CADPS: variants seen among roughly 807,000 people sequenced by gnomAD.
CADPS encodes the protein calcium-dependent secretion activator 1.
CADPS carries 57 observed loss-of-function variants against 167.3 expected under a neutral mutation model. That is an observed-to-expected ratio of 0.34 (90% CI 0.28 to 0.42). The LOEUF (loss-of-function observed/expected upper bound fraction) is 0.42. Ranked by LOEUF, CADPS falls within the 20% of genes least tolerant of loss-of-function variation. The probability of loss-of-function intolerance (pLI) is 1.00; values close to 1 mark genes in which losing one functional copy is unlikely to be tolerated. For synonymous variants in CADPS, 676 were observed against 635.3 expected (o/e 1.06, Z -0.96); for missense variants, 1,414 against 1,738.1 (o/e 0.81, Z 3.32).
chr3:62,804,822 A>G (rs1202357425), intron 1 of CADPS, among the ~76,000 whole-genome samples: 2 of 152,162 alleles, frequency 1.3e-5, no homozygotes, highest in African/African-American at 2.4e-5. Context: ...TGAAAAGACA[A>G]AATCACATAG....
chr3:62,524,362 C>A (rs961626756), intron 13 of CADPS, among the ~76,000 whole-genome samples: 2 of 152,194 alleles, frequency 1.3e-5, no homozygotes, highest in Non-Finnish European at 2.9e-5. Flanking sequence ...CTCACCCCTT[C>A]CTCTCCTTTC....
chr3:62,519,979 C>T (rs2070054882), intron 13 of CADPS, among the ~76,000 whole-genome samples: 1 of 152,096 alleles, frequency 6.6e-6, no homozygotes, highest in African/African-American at 2.4e-5. Context: ...GAACTGAACA[C>T]ACATTTGTTT....
At chr3:62,818,088 C>A (rs2094713281) in intron 1 of CADPS, among the ~76,000 whole-genome samples, 1 of 152,088 alleles carries the variant, frequency 6.6e-6, no homozygotes, top group Admixed American at 6.6e-5. Context: ...GAGACAGAAA[C>A]CACCTACTGA....
chr3:62,513,699 CT>C, intron 16 of CADPS: 2 of 1,584,424 alleles, frequency 1.3e-6, no homozygotes, highest in Non-Finnish European at 1.7e-6. Context: ...ACATTTCTCT[CT>C]TTTTCCCTAT....
At chr3:62,667,374 T>C (rs1016094048) in intron 3 of CADPS, among the ~76,000 whole-genome samples, 1 of 152,046 alleles carries the variant, frequency 6.6e-6, no homozygotes, top group African/African-American at 2.4e-5. Context: ...GGAACCTGTG[T>C]TCTGATCCTT....
intron 27 of CADPS, among the ~76,000 whole-genome samples, chr3:62,441,734 C>A (rs140619765): frequency 1.3e-5 from 2 of 152,180 alleles, no homozygotes; most frequent in African/African-American, 2.4e-5. Flanking sequence ...GGTTCTTAAG[C>A]CTGGCTGCAA....
chr3:62,637,561 G>T (rs989478350), intron 6 of CADPS, among the ~76,000 whole-genome samples: 1 of 152,172 alleles, frequency 6.6e-6, no homozygotes, highest in Admixed American at 6.5e-5. Flanking sequence ...TGGTGTGTGC[G>T]CCAGCACGTT....
At chr3:62,557,271 A>C (rs2078327400) in intron 10 of CADPS, 134 bp downstream of exon 10, 1 of 683,446 alleles carries the variant, frequency 1.5e-6, no homozygotes, top group South Asian at 1.7e-5. Context: ...TGTGACTGTC[A>C]TGCACACAGC....
chr3:62,745,687 G>C (rs2081302100), intron 3 of CADPS, among the ~76,000 whole-genome samples: 1 of 152,190 alleles, frequency 6.6e-6, no homozygotes. Flanking sequence ...TGACACTGCT[G>C]CACTTTGTTG....
At chr3:62,565,415 G>A (rs1036634256) in intron 9 of CADPS, among the ~76,000 whole-genome samples, 2 of 152,086 alleles carry the variant, frequency 1.3e-5, no homozygotes, top group Admixed American at 6.6e-5. Context: ...CACTTTAAGC[G>A]GGATAATGAC....
chr3:62,546,921 T>C (rs1390303677), intron 11 of CADPS, among the ~76,000 whole-genome samples: 2 of 152,138 alleles, frequency 1.3e-5, no homozygotes, highest in African/African-American at 4.8e-5. Context: ...TTCCCTCATA[T>C]CTAGACACTT....
chr3:62,473,351 G>C (rs1370115890), intron 24 of CADPS, among the ~76,000 whole-genome samples: 1 of 152,140 alleles, frequency 6.6e-6, no homozygotes, highest in African/African-American at 2.4e-5. Flanking sequence ...AATAAATAAC[G>C]AATAAGGAGC....
chr3:62,842,156 C>T (rs1327397948), intron 1 of CADPS, among the ~76,000 whole-genome samples: 1 of 152,186 alleles, frequency 6.6e-6, no homozygotes, highest in Non-Finnish European at 1.5e-5. Flanking sequence ...GTAGAGTGCT[C>T]ATGTATCCAT....
chr3:62,550,209 C>T (rs2077102425), intron 10 of CADPS, 94 bp from the exon 11 acceptor site: 4 of 956,676 alleles, frequency 4.2e-6, no homozygotes, highest in East Asian at 4.9e-5. Context: ...GCTGCTTTTC[C>T]TTGGGACAGA....
intron 1 of CADPS, among the ~76,000 whole-genome samples, chr3:62,838,834 T>C (rs947422821): frequency 2.0e-5 from 3 of 152,160 alleles, no homozygotes; most frequent in Non-Finnish European, 2.9e-5. Flanking sequence ...CTAAAATTAA[T>C]GAGCAAATCA....
Position 62,420,714 on chromosome 3 carries a change from T to C in CADPS, c.3777+17390A>G, listed in dbSNP as rs1358840201. On this transcript the variant is annotated intron_variant, in intron 28 of 29. Transcript: ENST00000383710. This position sits in a 1 kb window ranked among gnomAD's most constrained non-coding sequence, Gnocchi z 4.1. ...AAGTGCTGCTTTTTAAAAGTTAACATGTGTTTTCACCATGTACAGCTGGGT... is the reference window on the plus strand; with the variant it reads ...AAGTGCTGCTTTTTAAAAGTTAACACGTGTTTTCACCATGTACAGCTGGGT... Among the ~76,000 whole-genome samples the C allele has an allele frequency of 6.6e-6, 1 of 152,212 alleles. No homozygotes were observed. Among genetic ancestry groups the C allele is most frequent in the African/African-American group, 2.4e-5 (1 of 41,468 alleles).
Position 62,585,328 on chromosome 3 carries a change from T to C in CADPS, c.1438-4A>G, listed in dbSNP as rs752784508. ...TCGGGGTGGGATGGAGAATAACCTG[T>C]AGGGGAAAAAGGACAAGCAACTAGA... On this transcript the variant is annotated splice_region_variant and splice_polypyrimidine_tract_variant and intron_variant, in intron 7 of 29. Coordinates refer to ENST00000383710, the MANE Select transcript of CADPS (RefSeq NM_003716.4). 2.0e-5 allele frequency: 32 copies of C among 1,597,438 alleles called. No individual in the cohort carries two copies. In the Admixed American group the frequency reaches 2.6e-4, roughly 13 times the overall value.
chr3:62,782,742 T>C (rs11915289), intron 1 of CADPS, among the ~76,000 whole-genome samples: 5 of 151,402 alleles, frequency 3.3e-5, no homozygotes, highest in African/African-American at 9.7e-5. Flanking sequence ...GAGTTTTGCA[T>C]ATAGTGTAGC....
intron 2 of CADPS, among the ~76,000 whole-genome samples, chr3:62,762,098 G>A (rs1257569851): frequency 3.3e-5 from 5 of 152,114 alleles, no homozygotes; most frequent in African/African-American, 1.2e-4. Context: ...GGGCACAGAT[G>A]GAAAAGGAAT....
Sources: gnomAD v4.1 joint callset for allele counts (sites outside exome capture counted in the v4.1 genomes callset) on GRCh38, gnomAD v4.1.1 for gene constraint, Gnocchi (gnomAD v3.1) non-coding constraint, MANE v1.5 for transcripts, NCBI Gene and HGNC (gene_info 2026-07-23, HGNC 2026-07-21) for gene names.